The following TRPM3 variants were observed in gnomAD, a reference collection of about 807,000 sequenced individuals.
TRPM3 encodes the protein transient receptor potential cation channel subfamily M member 3.
A neutral mutation model predicts 181.2 loss-of-function variants in TRPM3; 77 were observed. That is an observed-to-expected ratio of 0.42 (90% CI 0.35 to 0.51). The LOEUF is 0.51. Ranked by LOEUF, TRPM3 falls within the 20% of genes least tolerant of loss-of-function variation. The probability of loss-of-function intolerance (pLI) is 0.01; values close to 1 mark genes in which losing one functional copy is unlikely to be tolerated. For missense variants in TRPM3, 1,759 were observed against 2,196.7 expected (o/e 0.80, Z 3.98); for synonymous variants, 745 against 796.4 (o/e 0.94, Z 1.09).
intron 1 of TRPM3, among the ~76,000 whole-genome samples, chr9:70,887,749 T>C (rs2096116164): frequency 6.6e-6 from 1 of 152,198 alleles, no homozygotes; most frequent in Admixed American, 6.5e-5. Context: ...CCATCTCATT[T>C]CTTTACCACC....
At chr9:70,785,688 A>G (rs2083450881) in intron 6 of TRPM3, among the ~76,000 whole-genome samples, 1 of 152,130 alleles carries the variant, frequency 6.6e-6, no homozygotes, top group Admixed American at 6.5e-5. Context: ...GGTAAAGGAT[A>G]TTTTTGACTT....
intron 1 of TRPM3, among the ~76,000 whole-genome samples, chr9:71,252,847 CTTTTTTT>C (rs11417438): frequency 2.0e-3 from 171 of 84,772 alleles, no homozygotes; most frequent in African/African-American, 7.0e-3. Flanking sequence ...AATTTTGTCT[CTTTTTTT>C]TTTTTTTTTT....
At position 71,328,206 on chromosome 9, in the gene TRPM3, C is replaced by A. The variant is rs535948194; in HGVS notation, c.183+118447G>T. ...TTGAGATGGAGTCTCGCTCTGTCAC[C>A]CAGGCTGGAGTGCAGTGGCTGATCT... On this transcript the variant is annotated intron_variant, in intron 1 of 24. Transcript: ENST00000357533. 5.7e-4 allele frequency among the ~76,000 whole-genome samples: 87 copies of A among 152,254 alleles called. 2 individuals are homozygous for A. Among genetic ancestry groups the A allele is most frequent in the Admixed American group, 4.8e-3 (73 of 15,298 alleles).
intron 1 of TRPM3, among the ~76,000 whole-genome samples, chr9:71,098,508 T>G (rs999880697): frequency 6.6e-6 from 1 of 152,134 alleles, no homozygotes; most frequent in Non-Finnish European, 1.5e-5. Context: ...TAGTAAGTAG[T>G]GAGTATATGC....
intron 6 of TRPM3, among the ~76,000 whole-genome samples, chr9:70,801,986 C>T (rs1490937225): frequency 1.3e-5 from 2 of 152,170 alleles, no homozygotes; most frequent in East Asian, 3.8e-4. Flanking sequence ...GCTATTAAAA[C>T]ACCCACACTG....
intron 1 of TRPM3, among the ~76,000 whole-genome samples, chr9:71,378,871 T>C (rs745726288): frequency 1.1e-4 from 16 of 152,036 alleles, no homozygotes; most frequent in Non-Finnish European, 2.1e-4. Flanking sequence ...AATAATTATA[T>C]ATAATGCGTA....
At chr9:71,267,527 A>C (rs2083470526) in intron 1 of TRPM3, among the ~76,000 whole-genome samples, 1 of 151,916 alleles carries the variant, frequency 6.6e-6, no homozygotes, top group African/African-American at 2.4e-5. Flanking sequence ...TCCCCAGGCC[A>C]CAAAGATTTG....
At chr9:71,025,544 C>T (rs780713326) in intron 1 of TRPM3, among the ~76,000 whole-genome samples, 12 of 152,080 alleles carry the variant, frequency 7.9e-5, no homozygotes, top group Non-Finnish European at 1.0e-4. Context: ...TCTGTAATAC[C>T]GTACATTTCT....
At chr9:70,938,434 C>A (rs973690207) in intron 1 of TRPM3, among the ~76,000 whole-genome samples, 2 of 152,104 alleles carry the variant, frequency 1.3e-5, no homozygotes, top group African/African-American at 2.4e-5. Context: ...TCCTAGATAC[C>A]CTCTCTACAT....
chr9:71,408,339 A>G (rs908064175), intron 1 of TRPM3, among the ~76,000 whole-genome samples: 1 of 152,190 alleles, frequency 6.6e-6, no homozygotes, highest in Non-Finnish European at 1.5e-5. Flanking sequence ...CCATCGCAAG[A>G]AAGCTAAAAA....
intron 18 of TRPM3, among the ~76,000 whole-genome samples, chr9:70,614,740 C>T (rs1463307608): frequency 6.6e-6 from 1 of 152,148 alleles, no homozygotes; most frequent in Admixed American, 6.5e-5. Context: ...CAAGGTCACA[C>T]AGCAAGTAGG....
chr9:70,910,722 G>T (rs1428738831), intron 1 of TRPM3, among the ~76,000 whole-genome samples: 1 of 152,136 alleles, frequency 6.6e-6, no homozygotes, highest in Non-Finnish European at 1.5e-5. Flanking sequence ...CCAAATGGCA[G>T]CTAAAAGCAC....
intron 1 of TRPM3, among the ~76,000 whole-genome samples, chr9:71,093,671 CAG>C (rs750832057): frequency 3.9e-4 from 59 of 152,154 alleles, no homozygotes; most frequent in Non-Finnish European, 6.5e-4. Context: ...TTGTGGAAGA[CAG>C]TGTGGCGATT....
intron 19 of TRPM3, among the ~76,000 whole-genome samples, chr9:70,605,723 C>T (rs1159241630): frequency 1.3e-5 from 2 of 152,160 alleles, no homozygotes; most frequent in Non-Finnish European, 2.9e-5. Context: ...AATATACTCT[C>T]AGCCTCCTTC....
At chr9:70,699,315 C>T (rs575924332) in intron 8 of TRPM3, among the ~76,000 whole-genome samples, 2 of 152,050 alleles carry the variant, frequency 1.3e-5, no homozygotes, top group Non-Finnish European at 2.9e-5. Context: ...GAGGATTTGG[C>T]CTGGACTTTG....
At chr9:71,100,803 C>A (rs1341360243) in intron 1 of TRPM3, among the ~76,000 whole-genome samples, 1 of 152,208 alleles carries the variant, frequency 6.6e-6, no homozygotes, top group African/African-American at 2.4e-5. Flanking sequence ...AAGAAAACCC[C>A]TTTGCCTTAC....
intron 4 of TRPM3, among the ~76,000 whole-genome samples, chr9:70,843,426 G>T (rs1214072893): frequency 6.6e-6 from 1 of 151,944 alleles, no homozygotes; most frequent in Non-Finnish European, 1.5e-5. Context: ...TTTTTAACTA[G>T]AAACTCTTTT....
chr9:71,144,669 T>C (rs1480593805), intron 1 of TRPM3, among the ~76,000 whole-genome samples: 1 of 152,170 alleles, frequency 6.6e-6, no homozygotes, highest in Admixed American at 6.6e-5. Flanking sequence ...ACTTGACATA[T>C]CAGCAGAAGA....
At chr9:70,781,326 T>TAAAAAAAAAAAAAAAAAAAAAAAAAAAAA (rs35173071) in intron 7 of TRPM3, among the ~76,000 whole-genome samples, 14 of 106,148 alleles carry the variant, frequency 1.3e-4, no homozygotes, top group Non-Finnish European at 1.9e-4. Flanking sequence ...TTCCATTTCA[T>TAAAAAAAAAAAAAAAAAAAAAAAAAAAAA]AAAAAAAAAA....
Sources: allele counts gnomAD v4.1 joint callset (sites outside exome capture counted in the v4.1 genomes callset), GRCh38; gene constraint gnomAD v4.1.1; transcripts MANE v1.5; gene names NCBI Gene and HGNC (gene_info 2026-07-23, HGNC 2026-07-21).